Variants in EPHA6 observed in about 807,000 individuals in gnomAD.
EPHA6 encodes the protein ephrin type-A receptor 6.
In EPHA6, 50 loss-of-function variants were observed where a neutral mutation model predicts 112.0. That is an observed-to-expected ratio of 0.45 (90% CI 0.36 to 0.56). EPHA6 has a LOEUF of 0.56. Ranked by LOEUF, EPHA6 falls within the 20% of genes least tolerant of loss-of-function variation. EPHA6 has a pLI of 0.00. For missense variants in EPHA6, 1,280 were observed against 1,417.4 expected (o/e 0.90, Z 1.56); for synonymous variants, 529 against 490.7 (o/e 1.08, Z -1.03).
intron 6 of EPHA6, among the ~76,000 whole-genome samples, chr3:97,412,990 T>TTTTTC (rs1453304264): frequency 8.6e-5 from 13 of 152,026 alleles, no homozygotes; most frequent in African/African-American, 2.7e-4. Context: ...ATTATTAGTA[T>TTTTTC]TTTTCTTTTC....
At chr3:97,456,021 A>G (rs1382584429) in intron 7 of EPHA6, among the ~76,000 whole-genome samples, 1 of 152,076 alleles carries the variant, frequency 6.6e-6, no homozygotes, top group Non-Finnish European at 1.5e-5. Flanking sequence ...AACTATTAAC[A>G]GGTACTTAGA....
chr3:97,674,074 C>T (rs537219171), intron 14 of EPHA6, among the ~76,000 whole-genome samples: 4 of 152,122 alleles, frequency 2.6e-5, no homozygotes, highest in Non-Finnish European at 5.9e-5. Flanking sequence ...AAAAGCTAAG[C>T]ACAACACTAT....
chr3:97,368,966 G>A (rs2084896224), intron 5 of EPHA6, among the ~76,000 whole-genome samples: 1 of 152,202 alleles, frequency 6.6e-6, no homozygotes, highest in Admixed American at 6.5e-5. Flanking sequence ...TGTATGCAAA[G>A]GTTAAAGAAA....
chr3:97,510,667 G>A (rs762800694), intron 10 of EPHA6, among the ~76,000 whole-genome samples: 1 of 152,184 alleles, frequency 6.6e-6, no homozygotes, highest in Non-Finnish European at 1.5e-5. Flanking sequence ...ACAGGAGTCA[G>A]GGATCCACTT....
At chr3:97,028,345 G>C (rs968351087) in intron 3 of EPHA6, among the ~76,000 whole-genome samples, 4 of 152,082 alleles carry the variant, frequency 2.6e-5, no homozygotes, top group African/African-American at 7.2e-5. Flanking sequence ...GATTAAATGA[G>C]ACAATATAGA....
intron 2 of EPHA6, among the ~76,000 whole-genome samples, chr3:96,884,538 AT>A (rs1396525272): frequency 1.3e-5 from 2 of 152,146 alleles, no homozygotes; most frequent in Admixed American, 6.5e-5. Context: ...CGCTGTTGGT[AT>A]ATGGAAGAGC....
chr3:97,279,186 C>G (rs184134043), intron 5 of EPHA6, among the ~76,000 whole-genome samples: 2 of 152,060 alleles, frequency 1.3e-5, no homozygotes, highest in African/African-American at 4.8e-5. Context: ...CCTAGTTTTG[C>G]TTTTACCTCC....
At chr3:97,256,036 A>C (rs552470271) in intron 5 of EPHA6, among the ~76,000 whole-genome samples, 1 of 152,212 alleles carries the variant, frequency 6.6e-6, no homozygotes, top group Non-Finnish European at 1.5e-5. Context: ...GTTTCTGAAG[A>C]CCTTTTCTTA....
intron 14 of EPHA6, among the ~76,000 whole-genome samples, chr3:97,672,499 G>A (rs1037857648): frequency 1.3e-5 from 2 of 152,080 alleles, no homozygotes; most frequent in Non-Finnish European, 2.9e-5. Flanking sequence ...AACTTCAGGT[G>A]AAAAGGAGAA....
chr3:97,662,461 C>T (rs190384721), intron 14 of EPHA6, among the ~76,000 whole-genome samples: 3 of 152,068 alleles, frequency 2.0e-5, no homozygotes, highest in Non-Finnish European at 2.9e-5. Context: ...CAGTAAGGAC[C>T]TCTCACCTGC....
chr3:97,422,135 C>T (rs1342632221), intron 6 of EPHA6, among the ~76,000 whole-genome samples: 1 of 92,826 alleles, frequency 1.1e-5, no homozygotes, highest in Non-Finnish European at 2.0e-5. Context: ...AGAATAGTCT[C>T]TCAAAAAAAA....
intron 11 of EPHA6, among the ~76,000 whole-genome samples, chr3:97,541,122 T>C (rs2092842977): frequency 6.6e-6 from 1 of 151,420 alleles, no homozygotes; most frequent in Admixed American, 6.6e-5. Flanking sequence ...ATGCAATTTC[T>C]AGTTAAAAAA....
intron 6 of EPHA6, among the ~76,000 whole-genome samples, chr3:97,437,858 AT>A (rs1341045028): frequency 6.6e-6 from 1 of 151,944 alleles, no homozygotes; most frequent in African/African-American, 2.4e-5. Context: ...CTTTCAAGTC[AT>A]TTTATCTATC....
At chr3:97,126,260 GGGATT>G (rs2048179752) in intron 3 of EPHA6, among the ~76,000 whole-genome samples, 1 of 152,084 alleles carries the variant, frequency 6.6e-6, no homozygotes, top group South Asian at 2.1e-4. Flanking sequence ...TAATGGCCAG[GGGATT>G]GTAGTTCTCT....
chr3:97,530,759 C>A (rs1420050812), intron 10 of EPHA6, among the ~76,000 whole-genome samples: 2 of 151,968 alleles, frequency 1.3e-5, no homozygotes, highest in Non-Finnish European at 2.9e-5. Flanking sequence ...AGACTGCTTT[C>A]TATTTCTAAT....
intron 6 of EPHA6, among the ~76,000 whole-genome samples, chr3:97,445,747 C>T (rs1249312165): frequency 6.6e-6 from 1 of 151,062 alleles, no homozygotes; most frequent in African/African-American, 2.4e-5. Flanking sequence ...GTTCAAACCT[C>T]TGGAAAGCTT....
intron 4 of EPHA6, among the ~76,000 whole-genome samples, chr3:97,229,124 T>C (rs1038826052): frequency 2.6e-5 from 4 of 152,170 alleles, no homozygotes; most frequent in Admixed American, 2.0e-4. Flanking sequence ...AGTTCCTTTG[T>C]TGGATGCATA....
intron 12 of EPHA6, 98 bp downstream of exon 12, chr3:97,592,835 A>G: frequency 1.5e-6 from 2 of 1,291,596 alleles, no homozygotes. Flanking sequence ...TTGCTTAAAT[A>G]TATTGTGGAA....
chr3:97,235,465 T>C (rs2078651311), intron 4 of EPHA6, among the ~76,000 whole-genome samples: 1 of 152,090 alleles, frequency 6.6e-6, no homozygotes, highest in African/African-American at 2.4e-5. Context: ...CTTTCAGTTC[T>C]ACTTTTTAGC....
Sources: allele counts gnomAD v4.1 joint callset (sites outside exome capture counted in the v4.1 genomes callset), GRCh38; gene constraint gnomAD v4.1.1; transcripts MANE v1.5; gene names NCBI Gene and HGNC (gene_info 2026-07-23, HGNC 2026-07-21).